MTUS2: variants seen among roughly 807,000 people sequenced by gnomAD.
MTUS2 encodes microtubule associated scaffold protein 2.
A neutral mutation model predicts 114.1 loss-of-function variants in MTUS2; 40 were observed. The observed-to-expected ratio is 0.35, with a 90% CI of 0.27 to 0.46. The LOEUF (loss-of-function observed/expected upper bound fraction) is 0.46, where lower values mean the gene tolerates loss of function less well. Among genes scored for constraint, MTUS2 ranks in the 20% least tolerant of loss-of-function variants. The pLI is 1.00. For missense variants in MTUS2, 1,679 were observed against 1,705.4 expected (o/e 0.98, Z 0.27); for synonymous variants, 688 against 672.0 (o/e 1.02, Z -0.37).
intron 2 of MTUS2, among the ~76,000 whole-genome samples, chr13:28,853,257 T>C (rs73161836): frequency 0.045 from 6,816 of 152,306 alleles, 229 homozygotes; most frequent in Non-Finnish European, 0.071. Context: ...ACTGATGATA[T>C]ATTTGTTAAC....
At chr13:29,491,897 G>A (rs62649132) in intron 11 of MTUS2, among the ~76,000 whole-genome samples, 65,838 of 141,014 alleles carry the variant, frequency 0.47, 15,142 homozygotes, top group Non-Finnish European at 0.49. Context: ...GTATGTGTGC[G>A]TGGCGTGTAG....
chr13:29,437,002 C>T lies in MTUS2; in HGVS notation c.3118-2981C>T, dbSNP rs1877459768. Among the ~76,000 whole-genome samples, 5 of 152,292 alleles carry T rather than the reference C, an allele frequency of 3.3e-5. No homozygotes were observed. The South Asian group carries it at 8.3e-4, about 25-fold the overall frequency. ...CATAGTCAGCGCCATACCGAAGAGG[C>T]CTGTCCCTCTCATAGGGCCTTCCAG... On this transcript the variant is annotated intron_variant, in intron 8 of 15. Transcript: ENST00000612955.
At chr13:28,823,694 A>C (rs1031501013) in intron 1 of MTUS2, among the ~76,000 whole-genome samples, 1 of 152,210 alleles carries the variant, frequency 6.6e-6, no homozygotes, top group Non-Finnish European at 1.5e-5. Flanking sequence ...ATTTGAAAAC[A>C]CTGTAGCATG....
At chr13:29,201,850 G>A (rs1250115513) in intron 5 of MTUS2, among the ~76,000 whole-genome samples, 1 of 152,208 alleles carries the variant, frequency 6.6e-6, no homozygotes, top group Non-Finnish European at 1.5e-5. Context: ...CTTCTGGCTT[G>A]TATGGTTTCT....
At chr13:29,362,201 T>C (rs1870314761) in intron 8 of MTUS2, among the ~76,000 whole-genome samples, 1 of 152,198 alleles carries the variant, frequency 6.6e-6, no homozygotes, top group South Asian at 2.1e-4. Context: ...TCTAGGCTGG[T>C]CTCAAACTCC....
intron 8 of MTUS2, among the ~76,000 whole-genome samples, chr13:29,409,034 T>A (rs1875012700): frequency 6.6e-6 from 1 of 152,236 alleles, no homozygotes; most frequent in Non-Finnish European, 1.5e-5. Flanking sequence ...GTTCATCCAC[T>A]TATAGCTGGG....
At chr13:29,499,509 TAAAC>T (rs758375483) in intron 14 of MTUS2, among the ~76,000 whole-genome samples, 15 of 152,214 alleles carry the variant, frequency 9.9e-5, no homozygotes, top group Non-Finnish European at 1.3e-4. Flanking sequence ...TGAAATAAGA[TAAAC>T]AAAAAATAAG....
chr13:28,930,264 T>G (rs1037522505), intron 2 of MTUS2, among the ~76,000 whole-genome samples: 3 of 152,228 alleles, frequency 2.0e-5, no homozygotes, highest in African/African-American at 7.2e-5. Context: ...AAAATGTGAT[T>G]GTTCAGGCAT....
intron 5 of MTUS2, among the ~76,000 whole-genome samples, chr13:29,156,834 C>A (rs1438967581): frequency 6.6e-6 from 1 of 152,122 alleles, no homozygotes; most frequent in East Asian, 1.9e-4. Flanking sequence ...CGCTTTGTTA[C>A]CCTCCCAGTC....
chr13:28,982,593 A>G (rs1566268797), intron 2 of MTUS2, among the ~76,000 whole-genome samples: 1 of 152,226 alleles, frequency 6.6e-6, no homozygotes, highest in Non-Finnish European at 1.5e-5. Flanking sequence ...AGCATTATTC[A>G]CAATGGCCAA....
chr13:29,269,324 T>G (rs1897788162), intron 5 of MTUS2, among the ~76,000 whole-genome samples: 1 of 152,176 alleles, frequency 6.6e-6, no homozygotes, highest in Non-Finnish European at 1.5e-5. Flanking sequence ...GCAACTGAGA[T>G]TTGAGGGATT....
intron 2 of MTUS2, among the ~76,000 whole-genome samples, chr13:28,886,139 C>G (rs142140743): frequency 3.3e-5 from 5 of 152,186 alleles, no homozygotes; most frequent in Non-Finnish European, 5.9e-5. Context: ...GGAGTGAGGT[C>G]AGAGGGATGT....
In MTUS2 at chr13:29,026,867, T is replaced by A. The variant is rs749492389; in HGVS notation, c.2169T>A (p.His723Gln). The change falls in exon 3 of 16, where the codon CAT (histidine) becomes CAA (glutamine). Residue 723 changes from histidine to glutamine, a missense_variant. By Grantham distance (24) the His-to-Gln change is conservative. Coordinates refer to ENST00000612955, the MANE Select transcript of MTUS2 (RefSeq NM_001033602.4). Reference sequence around the variant, plus strand: ...TGTCTGGAATCAAGCCCCCGGGACATCCTTTCAGTCAAATGAGTGAAAAGT... The same window carrying A: ...TGTCTGGAATCAAGCCCCCGGGACAACCTTTCAGTCAAATGAGTGAAAAGT... ...LMVSGIKPPGHPFSQMSEKFL... is the reference protein window; with the variant it reads ...LMVSGIKPPGQPFSQMSEKFL... 1 of 1,601,560 alleles carries A rather than the reference T, an allele frequency of 6.2e-7. No individual in the cohort carries two copies. The highest frequency in any genetic ancestry group is 1.7e-5 in the Admixed American group (1 of 59,534).
chr13:29,196,098 A>ATT (rs10708933), intron 5 of MTUS2, among the ~76,000 whole-genome samples: 6 of 143,850 alleles, frequency 4.2e-5, no homozygotes, highest in East Asian at 2.0e-4. Flanking sequence ...ACTACTGCAG[A>ATT]TTTTTTTTTT....
chr13:29,100,873 G>A lies in MTUS2; in HGVS notation c.2547G>A (p.Leu849=), dbSNP rs1464517765. ...PGYSRLPAAK[L]AAFGFVRSSS... is the part of the protein sequence containing the mutation. Reference sequence around the variant, plus strand: ...ACTCACGTCTCCCGGCAGCCAAACTGGCGGCATTTGGCTTTGTCCGGAGCT... The same window carrying A: ...ACTCACGTCTCCCGGCAGCCAAACTAGCGGCATTTGGCTTTGTCCGGAGCT... Residue 849 remains leucine (L), a synonymous_variant, in exon 5 of 16, where the codon CTG becomes CTA. Coordinates refer to ENST00000612955, the MANE Select transcript of MTUS2 (RefSeq NM_001033602.4). 2 of 1,559,326 alleles carry A rather than the reference G, an allele frequency of 1.3e-6. No individual in the cohort carries two copies. The highest frequency in any genetic ancestry group is 1.4e-5 in the African/African-American group (1 of 73,472).
At chr13:29,378,907 G>T (rs1312129156) in intron 8 of MTUS2, among the ~76,000 whole-genome samples, 1 of 152,158 alleles carries the variant, frequency 6.6e-6, no homozygotes, top group Non-Finnish European at 1.5e-5. Context: ...CATGTGTTGG[G>T]GGAGGGACCT....
At chr13:29,364,836 A>G (rs527894492) in intron 8 of MTUS2, among the ~76,000 whole-genome samples, 3 of 152,298 alleles carry the variant, frequency 2.0e-5, no homozygotes, top group East Asian at 3.9e-4. Flanking sequence ...AATCCAAAAC[A>G]TGGTCATTTA....
At chr13:28,995,628 T>C (rs1353342022) in intron 2 of MTUS2, among the ~76,000 whole-genome samples, 2 of 152,130 alleles carry the variant, frequency 1.3e-5, no homozygotes, top group East Asian at 3.8e-4. Flanking sequence ...CCCTTGTAAG[T>C]TGGATTCCTA....
chr13:29,353,840 C>T (rs115797589), intron 7 of MTUS2, among the ~76,000 whole-genome samples: 2,053 of 152,316 alleles, frequency 0.013, 20 homozygotes, highest in South Asian at 0.027. Context: ...TTGGTGGACT[C>T]TAAGTATTGT....
Sources: allele counts gnomAD v4.1 joint callset (sites outside exome capture counted in the v4.1 genomes callset), GRCh38; gene constraint gnomAD v4.1.1; transcripts MANE v1.5; gene names NCBI Gene and HGNC (gene_info 2026-07-23, HGNC 2026-07-21).